Variants in ANAPC10 observed in about 807,000 individuals in gnomAD.
ANAPC10 encodes the protein anaphase promoting complex subunit 10.
A neutral mutation model predicts 22.0 loss-of-function variants in ANAPC10; 12 were observed. The observed-to-expected ratio is 0.55, with a 90% confidence interval of 0.35 to 0.88. The LOEUF (loss-of-function observed/expected upper bound fraction) is 0.88. Among genes scored for constraint, ANAPC10 ranks in the 40% least tolerant of loss-of-function variants. The pLI, the probability that ANAPC10 is intolerant of heterozygous loss-of-function variation, is 0.01. For missense variants in ANAPC10, 188 were observed against 220.9 expected (o/e 0.85, Z 0.94); for synonymous variants, 65 against 69.5 (o/e 0.94, Z 0.32).
chr4:145,001,949 AC>A (rs1189393465), intron 4 of ANAPC10, among the ~76,000 whole-genome samples: 5 of 152,180 alleles, frequency 3.3e-5, no homozygotes, highest in African/African-American at 9.7e-5. Context: ...TCAATAAAAA[AC>A]ATGTCAAATA....
chr4:145,074,859 T>G (rs1329549270), intron 3 of ANAPC10, among the ~76,000 whole-genome samples: 1 of 152,216 alleles, frequency 6.6e-6, no homozygotes. Context: ...CTCTTACCTT[T>G]TGGGCTAAGT....
chr4:145,026,598 A>C (rs1287271958), intron 4 of ANAPC10, among the ~76,000 whole-genome samples: 2 of 151,988 alleles, frequency 1.3e-5, no homozygotes, highest in Non-Finnish European at 1.5e-5. Context: ...CTATGAACAC[A>C]AATGGTTCCA....
chr4:145,097,075 C>T (rs1033454558), intron 1 of ANAPC10, among the ~76,000 whole-genome samples: 2 of 151,972 alleles, frequency 1.3e-5, no homozygotes, highest in Admixed American at 6.5e-5. Flanking sequence ...CCTGGTGTGG[C>T]GGCACACACC....
intron 3 of ANAPC10, among the ~76,000 whole-genome samples, chr4:145,081,346 G>C (rs1289900391): frequency 6.6e-6 from 1 of 151,908 alleles, no homozygotes; most frequent in Middle Eastern, 3.2e-3. Flanking sequence ...TTAAGGTATT[G>C]TATTGGGCCA....
intron 4 of ANAPC10, among the ~76,000 whole-genome samples, chr4:145,011,336 AAAAATAAAATAAAATAAAAT>A (rs70956822): frequency 3.8e-4 from 49 of 130,140 alleles, no homozygotes; most frequent in African/African-American, 1.1e-3. Flanking sequence ...GACTGTCTTA[AAAAATAAAATAAAATAAAAT>A]AAAATAAAAT....
intron 4 of ANAPC10, among the ~76,000 whole-genome samples, chr4:145,002,144 A>G (rs1732674245): frequency 6.6e-6 from 1 of 152,214 alleles, no homozygotes; most frequent in South Asian, 2.1e-4. Flanking sequence ...CTGTCAACAC[A>G]TGAAGCAGCA....
chr4:145,094,458 AG>A (rs1181157551), intron 2 of ANAPC10, among the ~76,000 whole-genome samples: 1 of 152,218 alleles, frequency 6.6e-6, no homozygotes, highest in South Asian at 2.1e-4. Flanking sequence ...ACACCTAAAA[AG>A]GGTAAGTTTT....
At chr4:145,076,732 G>A (rs759225288) in intron 3 of ANAPC10, among the ~76,000 whole-genome samples, 10 of 152,156 alleles carry the variant, frequency 6.6e-5, no homozygotes, top group Admixed American at 3.3e-4. Context: ...ATCAAGAGCT[G>A]AAAGACGAAA....
At chr4:145,056,001 C>T (rs143594754) in intron 4 of ANAPC10, among the ~76,000 whole-genome samples, 1 of 152,142 alleles carries the variant, frequency 6.6e-6, no homozygotes, top group Admixed American at 6.5e-5. Context: ...GCAAACTACA[C>T]AAGCATGGGT....
At chr4:145,029,209 T>C (rs1737184322) in intron 4 of ANAPC10, among the ~76,000 whole-genome samples, 1 of 152,208 alleles carries the variant, frequency 6.6e-6, no homozygotes, top group South Asian at 2.1e-4. Flanking sequence ...CCATCCCCAG[T>C]AGTGGCAACA....
intron 4 of ANAPC10, among the ~76,000 whole-genome samples, chr4:145,061,557 C>G (rs1322382842): frequency 1.3e-5 from 2 of 152,074 alleles, no homozygotes; most frequent in Non-Finnish European, 2.9e-5. Flanking sequence ...CAAATATATA[C>G]CACGTATATC....
At chr4:145,068,489 T>C (rs1448715229) in intron 3 of ANAPC10, among the ~76,000 whole-genome samples, 1 of 152,240 alleles carries the variant, frequency 6.6e-6, no homozygotes, top group East Asian at 1.9e-4. Context: ...TTTAAAATCG[T>C]TCTTCTTAAC....
At chr4:145,090,751 G>A (rs991938909) in intron 2 of ANAPC10, among the ~76,000 whole-genome samples, 2 of 152,152 alleles carry the variant, frequency 1.3e-5, no homozygotes, top group African/African-American at 4.8e-5. Flanking sequence ...AAAGTTCTTA[G>A]AACAGCATCT....
intron 4 of ANAPC10, among the ~76,000 whole-genome samples, chr4:145,054,110 T>C (rs945362709): frequency 8.6e-5 from 13 of 151,566 alleles, no homozygotes; most frequent in Non-Finnish European, 7.4e-5. Flanking sequence ...GGTTTCACCA[T>C]GTTGGCCAGG....
At chr4:145,000,430 C>T (rs1309032882) in intron 4 of ANAPC10, among the ~76,000 whole-genome samples, 1 of 152,112 alleles carries the variant, frequency 6.6e-6, no homozygotes, top group Non-Finnish European at 1.5e-5. Flanking sequence ...ATTTATACAG[C>T]CAACACACAC....
chr4:145,006,299 T>C (rs1192778908), intron 4 of ANAPC10, among the ~76,000 whole-genome samples: 1 of 152,084 alleles, frequency 6.6e-6, no homozygotes, highest in East Asian at 1.9e-4. Context: ...AATCTGCCAA[T>C]CAAGTGGAAA....
At chr4:145,011,290 T>C (rs1286042625) in intron 4 of ANAPC10, among the ~76,000 whole-genome samples, 2 of 150,672 alleles carry the variant, frequency 1.3e-5, no homozygotes, top group African/African-American at 4.9e-5. Context: ...TAAGCCAAGA[T>C]TGCGCCACTG....
chr4:145,014,733 G>A (rs1734844460), intron 4 of ANAPC10, among the ~76,000 whole-genome samples: 1 of 152,138 alleles, frequency 6.6e-6, no homozygotes, highest in South Asian at 2.1e-4. Flanking sequence ...CCATGGCTGA[G>A]AGACCCACAG....
At chr4:145,023,671 A>T (rs1042488430) in intron 4 of ANAPC10, among the ~76,000 whole-genome samples, 5 of 152,164 alleles carry the variant, frequency 3.3e-5, no homozygotes, top group African/African-American at 1.2e-4. Flanking sequence ...AAACAATTTA[A>T]GAATGTTTTA....
Sources: gnomAD v4.1 joint callset for allele counts (sites outside exome capture counted in the v4.1 genomes callset) on GRCh38, gnomAD v4.1.1 for gene constraint, MANE v1.5 for transcripts, NCBI Gene and HGNC (gene_info 2026-07-23, HGNC 2026-07-21) for gene names.